The following CTNNA2 variants were observed in gnomAD, a reference collection of about 807,000 sequenced individuals.
The protein encoded by CTNNA2 is catenin alpha-2.
CTNNA2 carries 42 observed loss-of-function variants against 101.0 expected under a neutral mutation model. The observed-to-expected ratio is 0.42, with a 90% confidence interval of 0.32 to 0.54. The LOEUF is 0.54. CTNNA2 is among the 20% of genes least tolerant of loss of function. The pLI is 0.14. For synonymous variants in CTNNA2, 450 were observed against 456.4 expected, an observed-to-expected ratio of 0.99 and a Z score of 0.18; for missense variants, 871 against 1,223.1, an observed-to-expected ratio of 0.71 and a Z score of 4.29.
intron 3 of CTNNA2, among the ~76,000 whole-genome samples, chr2:79,344,047 C>G (rs1341896136): frequency 1.3e-5 from 2 of 152,186 alleles, no homozygotes; most frequent in Admixed American, 1.3e-4. Context: ...GCCCTGCCTT[C>G]ATGCTCTCTT....
At chr2:79,406,935 A>G (rs1678347670) in intron 4 of CTNNA2, among the ~76,000 whole-genome samples, 1 of 151,978 alleles carries the variant, frequency 6.6e-6, no homozygotes, top group Non-Finnish European at 1.5e-5. Flanking sequence ...CCTCAACTCT[A>G]TGATTTCAGC....
intron 3 of CTNNA2, among the ~76,000 whole-genome samples, chr2:79,363,564 A>C (rs1677678024): frequency 1.8e-5 from 1 of 54,202 alleles, no homozygotes; most frequent in African/African-American, 5.5e-5. Context: ...TTCCCCCAGC[A>C]AAAAAAAAAA....
intron 2 of CTNNA2, among the ~76,000 whole-genome samples, chr2:79,198,433 A>T: frequency 6.6e-6 from 1 of 152,216 alleles, no homozygotes; most frequent in East Asian, 1.9e-4. Flanking sequence ...TGGGAATCTA[A>T]TTCAAAAGCT....
intron 4 of CTNNA2, among the ~76,000 whole-genome samples, chr2:79,429,074 G>C (rs1332657214): frequency 6.6e-6 from 1 of 152,132 alleles, no homozygotes; most frequent in Non-Finnish European, 1.5e-5. Context: ...GTCACTCCAT[G>C]TCTCCTTGTT....
chr2:80,041,778 A>C (rs981648960), intron 7 of CTNNA2, among the ~76,000 whole-genome samples: 32 of 152,144 alleles, frequency 2.1e-4, no homozygotes, highest in African/African-American at 7.5e-4. Context: ...AACCCCCTGG[A>C]AGATATTTAT....
chr2:79,717,279 G>T (rs951150387), intron 2 of CTNNA2, among the ~76,000 whole-genome samples: 6 of 152,182 alleles, frequency 3.9e-5, no homozygotes, highest in African/African-American at 1.4e-4. Flanking sequence ...AAATAAGTCA[G>T]CTTCCTGATT....
rs918632088 is a variant in CTNNA2, at chr2:80,447,033, A to G, written c.1290+27432A>G. On this transcript the variant is annotated intron_variant, in intron 9 of 18. Transcript: ENST00000402739. The stretch of plus-strand genomic sequence containing the variant: ...AAATTTGATGAGAATTATGACCACC[A>G]TGAATATGTTCACTATCAAAATCAA... 4.6e-5 allele frequency among the ~76,000 whole-genome samples: 7 copies of G among 152,194 alleles called. No homozygotes were observed. In the East Asian group the frequency reaches 1.2e-3, roughly 25 times the overall value.
At chr2:79,714,851 T>A (rs1685969112) in intron 2 of CTNNA2, among the ~76,000 whole-genome samples, 1 of 151,940 alleles carries the variant, frequency 6.6e-6, no homozygotes, top group Non-Finnish European at 1.5e-5. Flanking sequence ...TCAACTAGCA[T>A]GGCATGCATT....
intron 6 of CTNNA2, among the ~76,000 whole-genome samples, chr2:79,879,952 G>C (rs531706058): frequency 6.6e-6 from 1 of 152,014 alleles, no homozygotes; most frequent in Non-Finnish European, 1.5e-5. Context: ...ATTGGTTGTG[G>C]GTTTGTCATG....
intron 7 of CTNNA2, among the ~76,000 whole-genome samples, chr2:80,352,940 A>G (rs1673444472): frequency 6.6e-6 from 1 of 152,114 alleles, no homozygotes. Flanking sequence ...TAAAGATTCC[A>G]AAAAAGATGT....
rs183153045 is a variant in CTNNA2, at chr2:79,289,425, A to G, written c.-405-23284A>G. 2.4e-3 allele frequency among the ~76,000 whole-genome samples: 363 copies of G among 152,248 alleles called. 1 individual carries two copies. The highest frequency in any genetic ancestry group is 6.1e-3 in the Admixed American group (93 of 15,294). On this transcript the variant is annotated intron_variant, in intron 2 of 21. Transcript: ENST00000466387. ...ATATTCACTTTCCAGTTTCCCATGGATACATGTGACGAGTGGTGGGCTAAT... is the reference window on the plus strand; with the variant it reads ...ATATTCACTTTCCAGTTTCCCATGGGTACATGTGACGAGTGGTGGGCTAAT...
At chr2:80,228,570 T>A (rs1384788772) in intron 7 of CTNNA2, among the ~76,000 whole-genome samples, 1 of 152,140 alleles carries the variant, frequency 6.6e-6, no homozygotes, top group African/African-American at 2.4e-5. Flanking sequence ...AATACCCTAT[T>A]TTTACTGTCC....
chr2:79,931,797 T>C (rs1480599722), intron 7 of CTNNA2, among the ~76,000 whole-genome samples: 2 of 151,968 alleles, frequency 1.3e-5, no homozygotes, highest in Non-Finnish European at 2.9e-5. Flanking sequence ...GCAAAGGCAA[T>C]ACAGGCAAGC....
At chr2:80,161,131 C>T (rs938117926) in intron 7 of CTNNA2, among the ~76,000 whole-genome samples, 3 of 152,060 alleles carry the variant, frequency 2.0e-5, no homozygotes, top group Non-Finnish European at 4.4e-5. Context: ...TGAAACCTCC[C>T]CGCCTCCTGG....
intron 7 of CTNNA2, among the ~76,000 whole-genome samples, chr2:80,383,189 A>G (rs75235565): frequency 0.018 from 2,723 of 152,278 alleles, 81 homozygotes; most frequent in African/African-American, 0.061. Context: ...GATAAAATAA[A>G]TCAAGGAACA....
At chr2:80,169,120 A>G (rs553302999) in intron 7 of CTNNA2, among the ~76,000 whole-genome samples, 21 of 152,322 alleles carry the variant, frequency 1.4e-4, no homozygotes, top group African/African-American at 4.3e-4. Flanking sequence ...TGACTATCCA[A>G]ATAGCTCCGA....
chr2:80,613,288 A>G (rs980501271), intron 17 of CTNNA2, among the ~76,000 whole-genome samples: 1 of 151,378 alleles, frequency 6.6e-6, no homozygotes, highest in African/African-American at 2.4e-5. Flanking sequence ...TGCACAACCC[A>G]AATTATAGAC....
chr2:80,512,069 G>A (rs2149553603), intron 9 of CTNNA2, among the ~76,000 whole-genome samples: 2 of 142,474 alleles, frequency 1.4e-5, no homozygotes, highest in Admixed American at 1.5e-4. Flanking sequence ...AGAATCGCTT[G>A]AACCCAGGAG....
At chr2:80,358,505 C>T (rs535549462) in intron 7 of CTNNA2, among the ~76,000 whole-genome samples, 49 of 151,982 alleles carry the variant, frequency 3.2e-4, no homozygotes, top group African/African-American at 1.1e-3. Flanking sequence ...TGCCCACCAC[C>T]ATGCCTGCCT....
Sources: allele counts gnomAD v4.1 joint callset (sites outside exome capture counted in the v4.1 genomes callset), GRCh38; gene constraint gnomAD v4.1.1; transcripts MANE v1.5; gene names NCBI Gene and HGNC (gene_info 2026-07-23, HGNC 2026-07-21).